The following TMPRSS15 variants were observed in gnomAD, a reference collection of about 807,000 sequenced individuals.
The protein encoded by TMPRSS15 is enteropeptidase.
A neutral mutation model predicts 125.3 loss-of-function variants in TMPRSS15; 128 were observed. The observed-to-expected ratio is 1.02, with a 90% confidence interval of 0.89 to 1.18. TMPRSS15 has a LOEUF of 1.18. Ranked by LOEUF, TMPRSS15 falls within the 50% of genes most tolerant of loss-of-function variation. TMPRSS15 has a pLI of 0.00. For missense variants in TMPRSS15, 1,283 were observed against 1,212.7 expected (o/e 1.06, Z -0.86); for synonymous variants, 446 against 423.2 (o/e 1.05, Z -0.66).
chr21:18,442,630 C>T (rs937590278), intron 1 of TMPRSS15, among the ~76,000 whole-genome samples: 34 of 152,136 alleles, frequency 2.2e-4, no homozygotes, highest in African/African-American at 7.5e-4. Context: ...TTTCTTATCC[C>T]GGTAAGTTTG....
chr21:18,417,857 T>A (rs2076183812), intron 1 of TMPRSS15, among the ~76,000 whole-genome samples: 1 of 152,014 alleles, frequency 6.6e-6, no homozygotes, highest in Non-Finnish European at 1.5e-5. Context: ...ATACACACAA[T>A]CACACACATA....
intron 21 of TMPRSS15, among the ~76,000 whole-genome samples, chr21:18,293,950 A>G (rs2074869038): frequency 6.6e-6 from 1 of 152,214 alleles, no homozygotes; most frequent in African/African-American, 2.4e-5. Context: ...AATAAATACT[A>G]ATTTCACGCT....
chr21:18,302,755 C>A (rs1340020732), intron 18 of TMPRSS15, among the ~76,000 whole-genome samples: 2 of 152,282 alleles, frequency 1.3e-5, no homozygotes, highest in East Asian at 3.9e-4. Flanking sequence ...ACTGCTGGTA[C>A]CTCCTTCCTA....
At chr21:18,420,557 T>C (rs1487434122) in intron 1 of TMPRSS15, among the ~76,000 whole-genome samples, 1 of 152,204 alleles carries the variant, frequency 6.6e-6, no homozygotes, top group Admixed American at 6.5e-5. Context: ...TGCCTTTGAC[T>C]TAGTGATATT....
At chr21:18,325,845 C>CAT (rs1282859430) in intron 16 of TMPRSS15, among the ~76,000 whole-genome samples, 1 of 151,644 alleles carries the variant, frequency 6.6e-6, no homozygotes, top group South Asian at 2.1e-4. Context: ...TATACACACA[C>CAT]ATATATACAT....
Position 18,310,981 on chromosome 21 carries a change from G to C in TMPRSS15, c.2165+1964C>G, listed in dbSNP as rs867752353. ...ACAAAGGCACCAAGAACATTCACTG[G>C]GGGGGAAGAACAATCGCTTCAGTAG... On this transcript the variant is annotated intron_variant, in intron 18 of 24. Transcript: ENST00000284885. 1.1e-3 allele frequency among the ~76,000 whole-genome samples: 74 copies of C among 69,446 alleles called. No homozygotes were observed. The African/African-American group carries it at 0.019, about 18-fold the overall frequency. The allele number at this position is 69,446 out of a possible 152,430, so 45.6% of individuals were successfully genotyped here.
chr21:18,450,754 G>A (rs1009917709), intron 1 of TMPRSS15, among the ~76,000 whole-genome samples: 1 of 152,156 alleles, frequency 6.6e-6, no homozygotes, highest in African/African-American at 2.4e-5. Flanking sequence ...AGCTTCAGGG[G>A]TTCAATTGCC....
At chr21:18,419,760 G>A (rs148817222) in intron 1 of TMPRSS15, among the ~76,000 whole-genome samples, 2,071 of 152,246 alleles carry the variant, frequency 0.014, 15 homozygotes, top group Non-Finnish European at 0.021. Flanking sequence ...GTTCCTGTAG[G>A]TGGAAAATAC....
Position 18,402,563 on chromosome 21 carries a change from CAT to C in TMPRSS15, c.145+913_145+914del, listed in dbSNP as rs568712096. On this transcript the variant is annotated intron_variant, in intron 1 of 24. Coordinates refer to ENST00000284885, the MANE Select transcript of TMPRSS15 (RefSeq NM_002772.3). ...AAAAAAAAGAGAGAATTTATATGCA[CAT>C]ATATATATATAAAGTTCATCATTTT... 5.5e-4 allele frequency among the ~76,000 whole-genome samples: 82 copies of C among 147,970 alleles called. 2 individuals are homozygous for C. The South Asian group carries it at 0.017, about 30-fold the overall frequency.
intron 16 of TMPRSS15, among the ~76,000 whole-genome samples, chr21:18,315,640 A>G (rs148139458): frequency 3.9e-3 from 54 of 13,976 alleles, no homozygotes; most frequent in African/African-American, 0.023. Context: ...CACGTTGTGC[A>G]CATGTACCGT....
At chr21:18,406,929 T>C (rs2076153419), upstream of TMPRSS15, among the ~76,000 whole-genome samples, 1 of 152,150 alleles carries the variant, frequency 6.6e-6, no homozygotes, top group African/African-American at 2.4e-5. Context: ...ATTATGTTTA[T>C]AGAATAAAAT....
chr21:18,382,461 T>C (rs1450282293), intron 4 of TMPRSS15, among the ~76,000 whole-genome samples: 1 of 152,162 alleles, frequency 6.6e-6, no homozygotes, highest in Non-Finnish European at 1.5e-5. Context: ...GAGGAAACTA[T>C]GCTTGATGAA....
At chr21:18,411,578 C>T (rs1003047799) in intron 1 of TMPRSS15, among the ~76,000 whole-genome samples, 2 of 152,082 alleles carry the variant, frequency 1.3e-5, no homozygotes, top group Admixed American at 1.3e-4. Context: ...AGATCTTCTC[C>T]TTCATATCTC....
chr21:18,475,492 C>T (rs551383952), intron 1 of TMPRSS15, among the ~76,000 whole-genome samples: 3 of 152,010 alleles, frequency 2.0e-5, no homozygotes, highest in African/African-American at 2.4e-5. Flanking sequence ...CTCAGTAGTC[C>T]GAGGTGGGAG....
chr21:18,475,903 ACATAAAAT>A (rs965531213), intron 1 of TMPRSS15, among the ~76,000 whole-genome samples: 7 of 152,168 alleles, frequency 4.6e-5, no homozygotes, highest in South Asian at 2.1e-4. Flanking sequence ...TTATTTTCTC[ACATAAAAT>A]TATGTCCTTA....
At chr21:18,394,174 T>G (rs2076013498) in intron 3 of TMPRSS15, among the ~76,000 whole-genome samples, 1 of 152,214 alleles carries the variant, frequency 6.6e-6, no homozygotes, top group African/African-American at 2.4e-5. Flanking sequence ...CAGAACAATA[T>G]TTTATATTTT....
In TMPRSS15 at chr21:18,349,898, T is replaced by C. The variant is rs752848813; in HGVS notation, c.1171+3005A>G. 3.9e-5 allele frequency among the ~76,000 whole-genome samples: 6 copies of C among 152,322 alleles called. No individual in the cohort carries two copies. In the South Asian group the frequency reaches 1.0e-3, roughly 26 times the overall value. On this transcript the variant is annotated intron_variant, in intron 10 of 24. Transcript: ENST00000284885. ...AACATTTTCCCCTTTAATGTACTTA[T>C]GCTCTTCAAATATCAGTGGAGTTAC... is the stretch of plus-strand genomic sequence containing the variant.
At chr21:18,475,691 T>C (rs1424971499) in intron 1 of TMPRSS15, among the ~76,000 whole-genome samples, 1 of 152,196 alleles carries the variant, frequency 6.6e-6, no homozygotes, top group African/African-American at 2.4e-5. Context: ...TTATTTCCTG[T>C]TAATTTTGAG....
chr21:18,425,585 T>C (rs1438518324), intron 1 of TMPRSS15, among the ~76,000 whole-genome samples: 1 of 152,188 alleles, frequency 6.6e-6, no homozygotes, highest in Admixed American at 6.5e-5. Flanking sequence ...TCTTACATGA[T>C]ATGTGAATGA....
Sources: gnomAD v4.1 joint callset for allele counts (sites outside exome capture counted in the v4.1 genomes callset) on GRCh38, gnomAD v4.1.1 for gene constraint, MANE v1.5 for transcripts, NCBI Gene and HGNC (gene_info 2026-07-23, HGNC 2026-07-21) for gene names.